Variants in PCDHGA4 observed in about 807,000 individuals in gnomAD.
PCDHGA4 encodes the protein protocadherin gamma subfamily A, 4, also known as protocadherin gamma-A4.
A neutral mutation model predicts 54.6 loss-of-function variants in PCDHGA4; 38 were observed. The ratio of observed to expected loss-of-function variants is 0.70; its 90% CI spans 0.54 to 0.91. PCDHGA4 has a LOEUF of 0.91. Ranked by LOEUF, PCDHGA4 falls within the 40% of genes least tolerant of loss-of-function variation. The pLI is 0.00. For missense variants in PCDHGA4, 1,298 were observed against 1,220.9 expected (o/e 1.06, Z -0.94); for synonymous variants, 511 against 512.9 (o/e 1.00, Z 0.05).
In PCDHGA4 at chr5:141,512,839, C is replaced by T. The variant is rs141207714; in HGVS notation, c.*1666C>T. ...GACCCCCTCCCCCGTACTGACTTCTCCTATAAGCGCTTCTCTTCGCATAGT... is the reference window on the plus strand; with the variant it reads ...GACCCCCTCCCCCGTACTGACTTCTTCTATAAGCGCTTCTCTTCGCATAGT... On this transcript the variant is annotated 3_prime_UTR_variant, in exon 4 of 4. Transcript: ENST00000571252. 278 of 152,216 alleles carry T rather than the reference C, an allele frequency of 1.8e-3. 2 individuals are homozygous for T. Among genetic ancestry groups the T allele is most frequent in the Middle Eastern group, 0.01 (3 of 292 alleles). 9.4% of individuals were successfully genotyped at this position (152,216 alleles called of 1,614,324 possible). A position where few individuals can be genotyped will look rare whatever the true frequency, so the allele number is the denominator to read the frequency against.
At chr5:141,406,109 G>C (rs2094766123) in intron 1 of PCDHGA4, among the ~76,000 whole-genome samples, 1 of 144,746 alleles carries the variant, frequency 6.9e-6, no homozygotes, top group South Asian at 2.2e-4. Flanking sequence ...GTGTCATTCT[G>C]TTGTCCAGGG....
chr5:141,463,764 G>A (rs2099069094), intron 1 of PCDHGA4, among the ~76,000 whole-genome samples: 1 of 151,916 alleles, frequency 6.6e-6, no homozygotes. Flanking sequence ...TTCTCTTATG[G>A]GTTAGAATCC....
intron 1 of PCDHGA4, chr5:141,376,715 T>C: frequency 1.6e-6 from 1 of 622,970 alleles, no homozygotes; most frequent in Non-Finnish European, 2.6e-6. Flanking sequence ...AGTCTCGCTC[T>C]GTCGCCCAGG....
At chr5:141,447,182 C>G (rs1205769161) in intron 1 of PCDHGA4, among the ~76,000 whole-genome samples, 1 of 152,126 alleles carries the variant, frequency 6.6e-6, no homozygotes, top group Non-Finnish European at 1.5e-5. Flanking sequence ...TCTTGTCGCG[C>G]AGGCTGGAGT....
intron 1 of PCDHGA4, among the ~76,000 whole-genome samples, chr5:141,380,691 G>C (rs1198645485): frequency 6.6e-6 from 1 of 152,212 alleles, no homozygotes; most frequent in Non-Finnish European, 1.5e-5. Flanking sequence ...TTTGTGTTCG[G>C]AGTAGTCTAT....
intron 1 of PCDHGA4, among the ~76,000 whole-genome samples, chr5:141,439,043 G>T (rs1688170264): frequency 6.6e-6 from 1 of 151,346 alleles, no homozygotes; most frequent in Non-Finnish European, 1.5e-5. Flanking sequence ...CAGTTCATAA[G>T]ATTTCCATAT....
At position 141,371,721 on chromosome 5, in the gene PCDHGA4, C is replaced by T. The variant is rs199558038; in HGVS notation, c.2514+14100C>T. 1,426 of 1,614,084 alleles carry T rather than the reference C, an allele frequency of 8.8e-4. 23 individuals are homozygous for T. In the South Asian group the frequency reaches 0.014, roughly 16 times the overall value. On this transcript the variant is annotated intron_variant, in intron 1 of 3. Coordinates refer to ENST00000571252, the MANE Select transcript of PCDHGA4 (RefSeq NM_018917.4). ...CAGCAAGACCATCACTCTGCACATCCTTGATGTCAACGACAACGTTCCCGT... is the reference window on the plus strand; with the variant it reads ...CAGCAAGACCATCACTCTGCACATCTTTGATGTCAACGACAACGTTCCCGT...
chr5:141,402,071 A>G, intron 1 of PCDHGA4, among the ~76,000 whole-genome samples: 2 of 152,340 alleles, frequency 1.3e-5, no homozygotes, highest in Middle Eastern at 3.4e-3. Context: ...AAAACTAAGC[A>G]TTTTTGAAAT....
At chr5:141,397,361 G>A (rs2093513931) in intron 1 of PCDHGA4, among the ~76,000 whole-genome samples, 1 of 152,164 alleles carries the variant, frequency 6.6e-6, no homozygotes. Flanking sequence ...TCAGGAAGAG[G>A]AGATGTTTGG....
chr5:141,424,690 TA>T (rs796070231), intron 1 of PCDHGA4: 89 of 152,358 alleles, frequency 5.8e-4, no homozygotes, highest in African/African-American at 1.9e-3. Context: ...TCCTTCTGGC[TA>T]TTTTTTTGTT....
intron 1 of PCDHGA4, chr5:141,421,895 G>T: frequency 2.5e-6 from 4 of 1,613,730 alleles, no homozygotes; most frequent in Non-Finnish European, 3.4e-6. Context: ...GATCCCATCC[G>T]AAAGGGCGCA....
chr5:141,437,252 CTT>C (rs1030396727), intron 1 of PCDHGA4, among the ~76,000 whole-genome samples: 3 of 152,268 alleles, frequency 2.0e-5, no homozygotes, highest in Admixed American at 6.5e-5. Context: ...CTTTCCTTGT[CTT>C]TTTATGTGTA....
chr5:141,390,418 A>T (rs2092141411), intron 1 of PCDHGA4: 1 of 1,099,772 alleles, frequency 9.1e-7, no homozygotes, highest in Admixed American at 2.6e-5. Context: ...TAGTCAGTTA[A>T]AAAGCTGTCA....
In PCDHGA4 at chr5:141,486,042, G is replaced by A; in HGVS notation, c.2515-8765G>A. The A allele has an allele frequency of 6.2e-7, 1 of 1,614,180 alleles. No individual in the cohort carries two copies. The highest frequency in any genetic ancestry group is 8.5e-7 in the Non-Finnish European group (1 of 1,180,030). On this transcript the variant is annotated intron_variant, in intron 1 of 3. Coordinates refer to ENST00000571252, the MANE Select transcript of PCDHGA4 (RefSeq NM_018917.4). This position sits in a 1 kb window ranked among gnomAD's most constrained non-coding sequence, Gnocchi z 5.0. The stretch of plus-strand genomic sequence containing the variant: ...AGTGGTCATACCCCTGATCGTGTAA[G>A]AAACCTCTTTAGCCTGCACCCCACT...
chr5:141,403,964 G>T (rs1279237991), intron 1 of PCDHGA4: 1 of 1,613,704 alleles, frequency 6.2e-7, no homozygotes, highest in Non-Finnish European at 8.5e-7. Context: ...CATTTCGGTG[G>T]AAGATGTAAA....
intron 1 of PCDHGA4, chr5:141,371,896 T>C (rs760450150): frequency 1.2e-6 from 2 of 1,613,426 alleles, no homozygotes; most frequent in Admixed American, 1.7e-5. Flanking sequence ...CCGCGGGAGC[T>C]GTCGTCCTAC....
chr5:141,441,885 CA>C, intron 1 of PCDHGA4: 1 of 345,036 alleles, frequency 2.9e-6, no homozygotes. Context: ...ACCTGGTCAC[CA>C]AGGTGGTGGC....
intron 1 of PCDHGA4, among the ~76,000 whole-genome samples, chr5:141,467,628 CA>C (rs1301043003): frequency 6.6e-6 from 1 of 152,106 alleles, no homozygotes; most frequent in Non-Finnish European, 1.5e-5. Context: ...TTTGAGATAG[CA>C]TCTTTATCAT....
intron 1 of PCDHGA4, chr5:141,423,748 T>TG: frequency 7.2e-6 from 2 of 278,014 alleles, no homozygotes; most frequent in Admixed American, 4.2e-4. Flanking sequence ...ATGAAAACTG[T>TG]TTGGGGGGGG....
Sources: allele counts gnomAD v4.1 joint callset (sites outside exome capture counted in the v4.1 genomes callset), GRCh38; gene constraint gnomAD v4.1.1; non-coding constraint Gnocchi (gnomAD v3.1); transcripts MANE v1.5; gene names NCBI Gene and HGNC (gene_info 2026-07-23, HGNC 2026-07-21).